Variants in PTGES2 observed in about 807,000 individuals in gnomAD.
The protein encoded by PTGES2 is prostaglandin E synthase 2.
A neutral mutation model predicts 44.5 loss-of-function variants in PTGES2; 35 were observed. The ratio of observed to expected loss-of-function variants is 0.79; its 90% CI spans 0.60 to 1.04. The LOEUF (loss-of-function observed/expected upper bound fraction) is 1.04. Among genes scored for constraint, PTGES2 ranks in the 50% least tolerant of loss-of-function variants. The pLI is 0.00. For missense variants in PTGES2, 517 were observed against 521.4 expected, an observed-to-expected ratio of 0.99 and a Z score of 0.08; for synonymous variants, 221 against 227.5, an observed-to-expected ratio of 0.97 and a Z score of 0.26.
chr9:128,128,106 G>A (rs80159071), upstream of PTGES2: 16 of 360,888 alleles, frequency 4.4e-5, no homozygotes, highest in African/African-American at 3.2e-4. Flanking sequence ...GCCCTTCCTA[G>A]AGTCAGTACA....
In PTGES2 at chr9:128,125,260, T is replaced by C; in HGVS notation, c.461A>G (p.Gln154Arg). 1 of 1,593,984 alleles carries C rather than the reference T, an allele frequency of 6.3e-7. No individual in the cohort carries two copies. The highest frequency in any genetic ancestry group is 8.5e-7 in the Non-Finnish European group (1 of 1,170,196). Residue 154 changes from glutamine (Q) to arginine (R), a missense_variant, in exon 2 of 7, where the codon CAG (glutamine) becomes CGG (arginine). By Grantham distance (43) the Gln-to-Arg change is conservative. Transcript: ENST00000338961. ...GGGGCTCACCGAGCTTTCTCCTTCC[T>C]GGGCCACCAGGATGGGCACCTTTCT... ...SYRKVPILVAQEGESSQQLND... is the reference protein window; with the variant it reads ...SYRKVPILVAREGESSQQLND...
chr9:128,122,560 G>T (rs1467314601), intron 5 of PTGES2, 81 bp from the exon 6 acceptor site: 3 of 1,241,680 alleles, frequency 2.4e-6, no homozygotes, highest in African/African-American at 2.9e-5. Flanking sequence ...TGGGGAGAGG[G>T]GGGAGGTGTG....
At position 128,123,934 on chromosome 9, in the gene PTGES2, A is replaced by G. The variant is rs1834522286; in HGVS notation, c.537-83T>C. ...ACCAACCCCGCTGCCCCAGCCTCAG[A>G]GTGGAGCCAGGACCAACAAAGGCTC... is the stretch of plus-strand genomic sequence containing the variant. On this transcript the variant is annotated intron_variant, in intron 3 of 6. Coordinates refer to ENST00000338961, the MANE Select transcript of PTGES2 (RefSeq NM_025072.7). This position sits in a 1 kb window ranked among gnomAD's most constrained non-coding sequence, Gnocchi z 4.4. 6.6e-7 allele frequency: 1 copy of G among 1,521,256 alleles called. No individual in the cohort carries two copies. The highest frequency in any genetic ancestry group is 9.0e-7 in the Non-Finnish European group (1 of 1,112,248). The allele number at this position is 1,521,256 out of a possible 1,614,324, so 94.2% of individuals were successfully genotyped here.
Position 128,120,947 on chromosome 9 carries a change from C to T in PTGES2, c.*198G>A. ...GGGAGGGGTCGCCCCAGGGCAGTGG[C>T]AGGGCTGGAACTCGTCCCTAACATC... On this transcript the variant is annotated 3_prime_UTR_variant, in exon 7 of 7. Transcript: ENST00000338961. 1.5e-6 allele frequency: 1 copy of T among 668,170 alleles called. No individual in the cohort carries two copies. Among genetic ancestry groups the T allele is most frequent in the Non-Finnish European group, 2.5e-6 (1 of 405,920 alleles). 41.4% of individuals were successfully genotyped at this position (668,170 alleles called of 1,614,324 possible).
chr9:128,128,040 G>A, upstream of PTGES2: 2 of 376,732 alleles, frequency 5.3e-6, no homozygotes, highest in South Asian at 2.9e-5. Context: ...CGGCGTGGCC[G>A]TCTGTAACAC....
chr9:128,127,417 C>A (rs1223267305), intron 1 of PTGES2, 22 bp downstream of exon 1: 2 of 1,341,244 alleles, frequency 1.5e-6, no homozygotes, highest in East Asian at 2.8e-5. Context: ...GCATCCCCAT[C>A]CCCGGCCGGG....
Position 128,122,490 on chromosome 9 carries a change from A to G in PTGES2, c.888-11T>C, listed in dbSNP as rs758460120. On this transcript the variant is annotated splice_polypyrimidine_tract_variant and intron_variant, in intron 5 of 6. Coordinates refer to ENST00000338961, the MANE Select transcript of PTGES2 (RefSeq NM_025072.7). ...TCCTGGAGGCGGTGCCTGGGCGGGG[A>G]AGGGAAAAGCCCCTCAGGGGAGCCC... 2 of 1,610,596 alleles carry G rather than the reference A, an allele frequency of 1.2e-6. No individual in the cohort carries two copies. The highest frequency in any genetic ancestry group is 1.7e-5 in the Admixed American group (1 of 60,006).
intron 2 of PTGES2, chr9:128,124,776 C>T: frequency 7.5e-7 from 1 of 1,324,906 alleles, no homozygotes; most frequent in Non-Finnish European, 9.7e-7. Flanking sequence ...CCAGCCCACT[C>T]ACCCATTTGG....
At position 128,123,882 on chromosome 9, in the gene PTGES2, T is replaced by TCCTTCCC. The variant is rs764076188; in HGVS notation, c.537-38_537-32dup. The TCCTTCCC allele has an allele frequency of 5.6e-6, 9 of 1,603,202 alleles. No homozygotes were observed. The East Asian group carries it at 2.0e-4, about 36-fold the overall frequency. The stretch of plus-strand genomic sequence containing the variant: ...GAGAGAGCCACAATATCACCCCAAC[T>TCCTTCCC]CCTTCCCCCTCCGTCCCCTGTGGCC... On this transcript the variant is annotated intron_variant, in intron 3 of 6. Transcript: ENST00000338961. This position sits in a 1 kb window ranked among gnomAD's most constrained non-coding sequence, Gnocchi z 4.4.
rs1834383251 is a variant in PTGES2, at chr9:128,120,925, A to T, written c.*220T>A. 1.7e-6 allele frequency: 1 copy of T among 573,668 alleles called. No homozygotes were observed. The highest frequency in any genetic ancestry group is 1.9e-5 in the African/African-American group (1 of 52,162). 35.5% of individuals were successfully genotyped at this position (573,668 alleles called of 1,614,324 possible). A position where few individuals can be genotyped will look rare whatever the true frequency, so the allele number is the denominator to read the frequency against. On this transcript the variant is annotated 3_prime_UTR_variant, in exon 7 of 7. Transcript: ENST00000338961. ...GCAGAGCAGGGAGGCAGGGACAGGG[A>T]GGGGTCGCCCCAGGGCAGTGGCAGG... is the stretch of plus-strand genomic sequence containing the variant.
upstream of PTGES2, chr9:128,127,894 C>T (rs1346424850): frequency 9.0e-6 from 5 of 557,060 alleles, no homozygotes; most frequent in African/African-American, 5.9e-5. Flanking sequence ...TCGAAACGCC[C>T]GCCAGAGCCG....
Position 128,123,405 on chromosome 9 carries a change from C to T in PTGES2, c.687-271G>A, listed in dbSNP as rs1201812113. ...GGGATTATAGGTGTGTGCCTCCACACCTAGCTAATTTTTGCATTTTTATAG... is the reference window on the plus strand; with the variant it reads ...GGGATTATAGGTGTGTGCCTCCACATCTAGCTAATTTTTGCATTTTTATAG... On this transcript the variant is annotated intron_variant, in intron 4 of 6. Coordinates refer to ENST00000338961, the MANE Select transcript of PTGES2 (RefSeq NM_025072.7). The surrounding 1 kb of genome is among the most constrained non-coding windows in gnomAD (Gnocchi z 4.4). Among the ~76,000 whole-genome samples the T allele has an allele frequency of 1.3e-5, 2 of 152,146 alleles. No homozygotes were observed. The highest frequency in any genetic ancestry group is 2.9e-5 in the Non-Finnish European group (2 of 68,020).
Position 128,123,681 on chromosome 9 carries a change from G to GCC in PTGES2, c.686+19_686+20dup. The GCC allele has an allele frequency of 3.6e-6, 5 of 1,393,802 alleles. No homozygotes were observed. The highest frequency in any genetic ancestry group is 5.5e-5 in the East Asian group (2 of 36,112). The allele number at this position is 1,393,802 out of a possible 1,614,324, so 86.3% of individuals were successfully genotyped here. On this transcript the variant is annotated intron_variant, in intron 4 of 6. Coordinates refer to ENST00000338961, the MANE Select transcript of PTGES2 (RefSeq NM_025072.7). The surrounding 1 kb of genome is among the most constrained non-coding windows in gnomAD (Gnocchi z 4.4). ...ACCCCTGCGGTCACCACCTTCCCCC[G>GCC]CCAGCCCCAGCCCCACTCACGTCCT...
chr9:128,122,879 C>G, intron 5 of PTGES2, 55 bp downstream of exon 5: 1 of 1,584,616 alleles, frequency 6.3e-7, no homozygotes. Context: ...ATCACCACTG[C>G]TCGTGGCACC....
In PTGES2 at chr9:128,123,674, T is replaced by C. The variant is rs1197840277; in HGVS notation, c.686+28A>G. On this transcript the variant is annotated intron_variant, in intron 4 of 6. Transcript: ENST00000338961. This position sits in a 1 kb window ranked among gnomAD's most constrained non-coding sequence, Gnocchi z 4.4. The stretch of plus-strand genomic sequence containing the variant: ...ACAGAAGACCCCTGCGGTCACCACC[T>C]TCCCCCGCCAGCCCCAGCCCCACTC... 3 of 1,522,128 alleles carry C rather than the reference T, an allele frequency of 2.0e-6. No individual in the cohort carries two copies. The highest frequency in any genetic ancestry group is 1.9e-4 in the Middle Eastern group (1 of 5,286). 94.3% of individuals were successfully genotyped at this position (1,522,128 alleles called of 1,614,324 possible).
upstream of PTGES2, chr9:128,127,904 G>C (rs1834700452): frequency 2.1e-6 from 1 of 484,892 alleles, no homozygotes; most frequent in Non-Finnish European, 3.3e-6. Flanking sequence ...CGCCAGAGCC[G>C]CAGAGGCCCG....
At chr9:128,122,002 T>C (rs1834429421) in intron 6 of PTGES2, among the ~76,000 whole-genome samples, 1 of 150,840 alleles carries the variant, frequency 6.6e-6, no homozygotes, top group Admixed American at 6.6e-5. Context: ...CCAGGGGTTT[T>C]CTGGGAGAAG....
At chr9:128,127,907 G>A (rs1026088067), upstream of PTGES2, 6 of 490,562 alleles carry the variant, frequency 1.2e-5, no homozygotes, top group African/African-American at 8.1e-5. Context: ...CAGAGCCGCA[G>A]AGGCCCGCTC....
intron 1 of PTGES2, among the ~76,000 whole-genome samples, chr9:128,126,707 A>G (rs1834631025): frequency 6.6e-6 from 1 of 151,914 alleles, no homozygotes; most frequent in South Asian, 2.1e-4. Context: ...TAAAAATACA[A>G]AAATTAGCCG....
Sources: gnomAD v4.1 joint callset for allele counts (sites outside exome capture counted in the v4.1 genomes callset) on GRCh38, gnomAD v4.1.1 for gene constraint, Gnocchi (gnomAD v3.1) non-coding constraint, MANE v1.5 for transcripts, NCBI Gene and HGNC (gene_info 2026-07-23, HGNC 2026-07-21) for gene names.